Variants in CCDC171 observed in about 807,000 individuals in gnomAD.
CCDC171 encodes the protein coiled-coil domain-containing protein 171.
CCDC171 carries 177 observed loss-of-function variants against 168.2 expected under a neutral mutation model. That is an observed-to-expected ratio of 1.05 (90% confidence interval 0.93 to 1.19). CCDC171 has a LOEUF of 1.19. Ranked by LOEUF, CCDC171 falls within the 50% of genes most tolerant of loss-of-function variation. CCDC171 has a pLI of 0.00. For missense variants in CCDC171, 1,991 were observed against 1,539.0 expected (o/e 1.29, Z -4.91); for synonymous variants, 687 against 540.8 (o/e 1.27, Z -3.75).
At position 15,691,427 on chromosome 9, in the gene CCDC171, T is replaced by C. The variant is rs2050767803; in HGVS notation, c.1216-3808T>C. On this transcript the variant is annotated intron_variant, in intron 10 of 25. Transcript: ENST00000380701. ...TGTGAATAAAACTTACCTGTGAGAA[T>C]TGAATTACCTTTTATTTTTCTCTAT... Among the ~76,000 whole-genome samples, 3 of 150,320 alleles carry C rather than the reference T, an allele frequency of 2.0e-5. No homozygotes were observed. In the South Asian group the frequency reaches 6.3e-4, roughly 31 times the overall value.
the CCDC171 span, among the ~76,000 whole-genome samples, chr9:16,103,662 C>G: frequency 1.3e-5 from 2 of 152,086 alleles, no homozygotes; most frequent in African/African-American, 4.8e-5. Context: ...GCGCTGCTGC[C>G]GGGATGTGAG....
At chr9:15,976,183 C>T (rs1831614187), downstream of CCDC171, among the ~76,000 whole-genome samples, 2 of 152,110 alleles carry the variant, frequency 1.3e-5, no homozygotes, top group South Asian at 2.1e-4. Flanking sequence ...TAATTTGTGG[C>T]AATATGTCAC....
intron 1 of CCDC171, among the ~76,000 whole-genome samples, chr9:16,044,887 GC>G (rs1211432016): frequency 3.9e-5 from 6 of 152,132 alleles, no homozygotes; most frequent in African/African-American, 1.4e-4. Flanking sequence ...TTGCCAATTT[GC>G]CCCACTCCTT....
At chr9:15,637,658 C>T (rs1049549760) in intron 7 of CCDC171, among the ~76,000 whole-genome samples, 5 of 134,112 alleles carry the variant, frequency 3.7e-5, no homozygotes, top group African/African-American at 1.4e-4. Flanking sequence ...TGTGATGTTC[C>T]CCTTCCTGTG....
At chr9:15,581,991 G>A (rs1038010912) in intron 4 of CCDC171, among the ~76,000 whole-genome samples, 4 of 152,188 alleles carry the variant, frequency 2.6e-5, no homozygotes, top group African/African-American at 7.2e-5. Flanking sequence ...AGAATGAACA[G>A]GGAACCTACA....
chr9:15,677,925 T>TATGTATATA lies in CCDC171; in HGVS notation c.1077-832_1077-831insTGTATATAA, dbSNP rs59883669. Among the ~76,000 whole-genome samples, 2 of 41,862 alleles carry TATGTATATA rather than the reference T, an allele frequency of 4.8e-5. 1 individual carries two copies. Among genetic ancestry groups the TATGTATATA allele is most frequent in the African/African-American group, 2.0e-4 (2 of 9,946 alleles). The allele number at this position is 41,862 out of a possible 152,430, so 27.5% of individuals were successfully genotyped here. ...ATATATATATATATATATATATATA[T>TATGTATATA]AAGAGATGTGGTCTCATTCTGTTAC... On this transcript the variant is annotated intron_variant, in intron 9 of 25. Transcript: ENST00000380701.
At chr9:16,072,948 T>C in the CCDC171 span, among the ~76,000 whole-genome samples, 38 of 152,350 alleles carry the variant, frequency 2.5e-4, 1 homozygote, top group East Asian at 7.3e-3. Context: ...ATAAATTAAT[T>C]AGTGGACAAA....
intron 24 of CCDC171, among the ~76,000 whole-genome samples, chr9:15,910,805 T>C (rs1000477529): frequency 3.3e-5 from 5 of 152,180 alleles, no homozygotes; most frequent in Non-Finnish European, 2.9e-5. Flanking sequence ...TGTTTGGTTT[T>C]CTGTCCTTGT....
At chr9:16,086,723 T>C in the CCDC171 span, among the ~76,000 whole-genome samples, 2 of 152,208 alleles carry the variant, frequency 1.3e-5, no homozygotes, top group Non-Finnish European at 2.9e-5. Context: ...TCAGTTTGGC[T>C]CCGATCTTAG....
In CCDC171 at chr9:15,784,457, C is replaced by A. The variant is rs2057831082; in HGVS notation, c.3082-52C>A. On this transcript the variant is annotated intron_variant, in intron 20 of 25. Transcript: ENST00000380701. ...CTTTAGTTTTGAAGGTGAAATGATA[C>A]AACAATGCAGTTAGCTTTATAACTG... 5 of 1,212,016 alleles carry A rather than the reference C, an allele frequency of 4.1e-6. No individual in the cohort carries two copies. The Admixed American group carries it at 7.8e-5, about 19-fold the overall frequency. 75.1% of individuals were successfully genotyped at this position (1,212,016 alleles called of 1,614,324 possible).
At chr9:16,004,025 A>AGGTG (rs1832630279) in intron 3 of CCDC171, among the ~76,000 whole-genome samples, 2 of 152,300 alleles carry the variant, frequency 1.3e-5, no homozygotes, top group South Asian at 4.1e-4. Context: ...GGCATTGACC[A>AGGTG]GGTGATGCAG....
At chr9:16,047,142 G>A (rs1274457407) in intron 1 of CCDC171, among the ~76,000 whole-genome samples, 1 of 152,204 alleles carries the variant, frequency 6.6e-6, no homozygotes, top group Middle Eastern at 3.2e-3. Context: ...TTTCAAGTCT[G>A]ATCTCCAGCT....
intron 10 of CCDC171, among the ~76,000 whole-genome samples, chr9:15,682,979 A>T (rs1346738621): frequency 6.6e-6 from 1 of 151,636 alleles, no homozygotes; most frequent in Admixed American, 6.6e-5. Flanking sequence ...GTGAGTTTTT[A>T]TATCTGCTTC....
intron 25 of CCDC171, among the ~76,000 whole-genome samples, chr9:15,931,207 G>A (rs1199123541): frequency 4.0e-5 from 6 of 151,762 alleles, no homozygotes; most frequent in Non-Finnish European, 8.9e-5. Context: ...CCTACCAACA[G>A]TGTGTAAATG....
chr9:15,753,059 G>A (rs2055864340), intron 18 of CCDC171, among the ~76,000 whole-genome samples: 1 of 152,054 alleles, frequency 6.6e-6, no homozygotes, highest in South Asian at 2.1e-4. Context: ...ATAAAAATGT[G>A]TGAATTGGTC....
intron 7 of CCDC171, among the ~76,000 whole-genome samples, chr9:15,634,557 C>T (rs879709727): frequency 1.3e-5 from 2 of 152,074 alleles, no homozygotes; most frequent in East Asian, 3.9e-4. Flanking sequence ...TGTGTGAGGG[C>T]TAGGGTAGGG....
At position 15,563,945 on chromosome 9, in the gene CCDC171, AAAC is replaced by A. The variant is rs1337625839; in HGVS notation, c.-111-32_-111-30del. ...AAAATCTCCAATAGTATCAGGACTC[AAAC>A]TGCTATTGTATCATTTACTATTTTA... is the stretch of plus-strand genomic sequence containing the variant. On this transcript the variant is annotated intron_variant, in intron 1 of 25. Coordinates refer to ENST00000380701, the MANE Select transcript of CCDC171 (RefSeq NM_173550.4). 7 of 636,292 alleles carry A rather than the reference AAAC, an allele frequency of 1.1e-5. No homozygotes were observed. The East Asian group carries it at 1.8e-4, about 16-fold the overall frequency. 39.4% of individuals were successfully genotyped at this position (636,292 alleles called of 1,614,324 possible). A position where few individuals can be genotyped will look rare whatever the true frequency, so the allele number is the denominator to read the frequency against.
At chr9:15,839,719 G>C (rs2060593809) in intron 21 of CCDC171, among the ~76,000 whole-genome samples, 1 of 152,140 alleles carries the variant, frequency 6.6e-6, no homozygotes, top group African/African-American at 2.4e-5. Context: ...TACAATATGA[G>C]AGGCACTGTT....
chr9:15,669,131 G>A (rs2048931836), intron 9 of CCDC171, among the ~76,000 whole-genome samples: 1 of 152,084 alleles, frequency 6.6e-6, no homozygotes, highest in South Asian at 2.1e-4. Context: ...AAAAAGCTGT[G>A]TGTATATTGC....
Sources: allele counts gnomAD v4.1 joint callset (sites outside exome capture counted in the v4.1 genomes callset), GRCh38; gene constraint gnomAD v4.1.1; transcripts MANE v1.5; gene names NCBI Gene and HGNC (gene_info 2026-07-23, HGNC 2026-07-21).